The following AMPH variants were observed in gnomAD, a reference collection of about 807,000 sequenced individuals.
AMPH encodes amphiphysin, also known as amphiphysin (Stiff-Mann syndrome with breast cancer 128kD autoantigen).
In AMPH, 49 loss-of-function variants were observed where a neutral mutation model predicts 99.1. That is an observed-to-expected ratio of 0.49 (90% CI 0.39 to 0.63). The LOEUF (loss-of-function observed/expected upper bound fraction) is 0.63, where lower values mean the gene tolerates loss of function less well. Ranked by LOEUF, AMPH falls within the 20% of genes least tolerant of loss-of-function variation. The pLI is 0.00. For synonymous variants in AMPH, 314 were observed against 317.3 expected (o/e 0.99, Z 0.11); for missense variants, 759 against 863.4 (o/e 0.88, Z 1.52).
At chr7:38,539,684 G>A (rs1427191291) in intron 1 of AMPH, among the ~76,000 whole-genome samples, 7 of 152,204 alleles carry the variant, frequency 4.6e-5, no homozygotes, top group South Asian at 2.1e-4. Flanking sequence ...GTGAGGTCAC[G>A]GGAAAGGTCC....
intron 11 of AMPH, among the ~76,000 whole-genome samples, chr7:38,443,642 T>G (rs1376053275): frequency 6.6e-6 from 1 of 151,898 alleles, no homozygotes; most frequent in Non-Finnish European, 1.5e-5. Context: ...TTTGAGAAAA[T>G]CCACATTAAT....
At chr7:38,461,465 C>T (rs2302611) in intron 10 of AMPH, 54 bp from the exon 11 acceptor site, 209,067 of 1,608,526 alleles carry the variant, frequency 0.13, 15,953 homozygotes, top group Admixed American at 0.28. Flanking sequence ...GTGTCAGACA[C>T]GAAGAAAGGT....
intron 2 of AMPH, among the ~76,000 whole-genome samples, chr7:38,520,410 A>G (rs1384468020): frequency 6.6e-6 from 1 of 152,226 alleles, no homozygotes; most frequent in Non-Finnish European, 1.5e-5. Context: ...AGTGAGGCAC[A>G]TAATATGCAA....
rs1309601827 is a variant in AMPH, at chr7:38,468,873, G to A, written c.591-2625C>T. Among the ~76,000 whole-genome samples, 44 of 66,564 alleles carry A rather than the reference G, an allele frequency of 6.6e-4. 10 individuals carry two copies. Among genetic ancestry groups the A allele is most frequent in the African/African-American group, 2.6e-3 (38 of 14,442 alleles). The allele number at this position is 66,564 out of a possible 152,430, so 43.7% of individuals were successfully genotyped here. A position where few individuals can be genotyped will look rare whatever the true frequency, so the allele number is the denominator to read the frequency against. On this transcript the variant is annotated intron_variant, in intron 7 of 20. Coordinates refer to ENST00000356264, the MANE Select transcript of AMPH (RefSeq NM_001635.4). ...GTAACCAGCAGTAGAACATACAGAC[G>A]GCCGGGCGCGGTGGCTCACGCCTGT... is the stretch of plus-strand genomic sequence containing the variant.
chr7:38,537,164 G>A (rs761939247), intron 1 of AMPH, among the ~76,000 whole-genome samples: 1 of 151,744 alleles, frequency 6.6e-6, no homozygotes. Context: ...AAAACTCCCA[G>A]CAAAAAAAAT....
At chr7:38,627,262 G>A (rs1419025619) in intron 1 of AMPH, among the ~76,000 whole-genome samples, 1 of 151,868 alleles carries the variant, frequency 6.6e-6, no homozygotes, top group African/African-American at 2.4e-5. Context: ...TGCTGAAGGA[G>A]GCCGGGCGCG....
At chr7:38,517,984 C>T (rs891498691) in intron 2 of AMPH, among the ~76,000 whole-genome samples, 2 of 152,130 alleles carry the variant, frequency 1.3e-5, no homozygotes, top group Non-Finnish European at 2.9e-5. Flanking sequence ...GGGAGATAGG[C>T]CTGGGGCACC....
chr7:38,415,129 T>G (rs1785332188), intron 17 of AMPH, among the ~76,000 whole-genome samples: 1 of 151,920 alleles, frequency 6.6e-6, no homozygotes, highest in Non-Finnish European at 1.5e-5. Flanking sequence ...ATATGAGAAA[T>G]AAAACAACAA....
At chr7:38,422,070 G>A (rs1785597577) in intron 16 of AMPH, among the ~76,000 whole-genome samples, 1 of 152,048 alleles carries the variant, frequency 6.6e-6, no homozygotes, top group Admixed American at 6.6e-5. Flanking sequence ...AAACAAACAA[G>A]GATTTATTTT....
At chr7:38,406,774 CTCG>C (rs1562732554) in intron 17 of AMPH, among the ~76,000 whole-genome samples, 1 of 126,516 alleles carries the variant, frequency 7.9e-6, no homozygotes, top group African/African-American at 3.1e-5. Flanking sequence ...CTCTCTCTCT[CTCG>C]TGCTGGATGC....
intron 1 of AMPH, among the ~76,000 whole-genome samples, chr7:38,571,279 T>TGATATATA (rs1791996634): frequency 3.0e-5 from 1 of 33,808 alleles, no homozygotes; most frequent in Non-Finnish European, 4.5e-5. Flanking sequence ...ATATATATAT[T>TGATATATA]TTTATATATA....
At chr7:38,508,520 C>T (rs1584184123) in intron 2 of AMPH, among the ~76,000 whole-genome samples, 1 of 152,288 alleles carries the variant, frequency 6.6e-6, no homozygotes, top group East Asian at 1.9e-4. Flanking sequence ...AGTTGCCTCT[C>T]CAACTCAGAA....
chr7:38,451,156 G>A (rs1274559320), intron 11 of AMPH, among the ~76,000 whole-genome samples: 1 of 151,188 alleles, frequency 6.6e-6, no homozygotes, highest in Non-Finnish European at 1.5e-5. Context: ...GCCTCCCAAA[G>A]TGTTGAGATT....
At chr7:38,462,725 C>T (rs569000107) in intron 10 of AMPH, among the ~76,000 whole-genome samples, 3 of 152,224 alleles carry the variant, frequency 2.0e-5, no homozygotes, top group East Asian at 1.9e-4. Context: ...AGAGCATGCT[C>T]GCCTGAGCAT....
At chr7:38,430,192 C>G (rs530752724) in intron 13 of AMPH, 2 of 306,912 alleles carry the variant, frequency 6.5e-6, no homozygotes, top group Admixed American at 4.8e-5. Flanking sequence ...TTGAGAACAT[C>G]GGAATAAGAT....
At chr7:38,519,277 A>G (rs780090252) in intron 2 of AMPH, among the ~76,000 whole-genome samples, 4 of 152,190 alleles carry the variant, frequency 2.6e-5, no homozygotes, top group Non-Finnish European at 5.9e-5. Context: ...CTCTAGGTAA[A>G]CTTTATTTCC....
intron 7 of AMPH, 78 bp from the exon 8 acceptor site, chr7:38,466,326 A>C (rs1787651679): frequency 2.5e-6 from 3 of 1,180,230 alleles, no homozygotes; most frequent in Non-Finnish European, 3.6e-6. Context: ...TAGCAATGAA[A>C]TGTATGAAAA....
intron 2 of AMPH, among the ~76,000 whole-genome samples, chr7:38,504,277 A>C (rs1414580363): frequency 6.6e-6 from 1 of 152,214 alleles, no homozygotes; most frequent in Non-Finnish European, 1.5e-5. Flanking sequence ...CCACTAGAAA[A>C]TTCTAAACTA....
chr7:38,458,238 G>C (rs1787307278), intron 11 of AMPH, among the ~76,000 whole-genome samples: 1 of 151,876 alleles, frequency 6.6e-6, no homozygotes, highest in African/African-American at 2.4e-5. Context: ...AAATAAAGAA[G>C]TCTCCCAACA....
Sources: allele counts gnomAD v4.1 joint callset (sites outside exome capture counted in the v4.1 genomes callset), GRCh38; gene constraint gnomAD v4.1.1; transcripts MANE v1.5; gene names NCBI Gene and HGNC (gene_info 2026-07-23, HGNC 2026-07-21).